The following WDR27 variants were observed in gnomAD, a reference collection of about 807,000 sequenced individuals.
WDR27 encodes WD repeat domain 27.
Under a neutral mutation model 114.4 loss-of-function variants are expected in WDR27, and 100 were observed. The observed-to-expected ratio is 0.87, with a 90% CI of 0.74 to 1.03. WDR27 has a LOEUF of 1.03. WDR27 is among the 50% of genes least tolerant of loss of function. The probability of loss-of-function intolerance (pLI) is 0.00; values close to 1 mark genes in which losing one functional copy is unlikely to be tolerated. For missense variants in WDR27, 1,129 were observed against 1,092.9 expected, an observed-to-expected ratio of 1.03 and a Z score of -0.47; for synonymous variants, 449 against 423.1, an observed-to-expected ratio of 1.06 and a Z score of -0.75.
intron 2 of WDR27, among the ~76,000 whole-genome samples, chr6:169,682,871 G>C (rs1781891193): frequency 6.6e-6 from 1 of 151,868 alleles, no homozygotes; most frequent in Non-Finnish European, 1.5e-5. Flanking sequence ...ACTTAACAGA[G>C]ATTAATTTTA....
chr6:169,428,600 C>CGGG, the WDR27 span, among the ~76,000 whole-genome samples: 1 of 4,406 alleles, frequency 2.3e-4, no homozygotes, highest in Non-Finnish European at 6.5e-4. Context: ...GGGACGGTGG[C>CGGG]GGGGGGGAGG....
chr6:169,438,655 T>G, the WDR27 span, among the ~76,000 whole-genome samples: 14 of 152,348 alleles, frequency 9.2e-5, no homozygotes, highest in African/African-American at 3.4e-4. Flanking sequence ...ACTCTCGCAG[T>G]ATCTAATTGG....
intron 6 of WDR27, among the ~76,000 whole-genome samples, chr6:169,665,851 G>A (rs1025684730): frequency 6.6e-6 from 1 of 152,208 alleles, no homozygotes; most frequent in Non-Finnish European, 1.5e-5. Context: ...CCGACAGAAG[G>A]CCTGGTGGGC....
chr6:169,582,894 C>A lies in WDR27; in HGVS notation c.2465G>T (p.Arg822Leu). 1.2e-6 allele frequency: 2 copies of A among 1,613,894 alleles called. No individual in the cohort carries two copies. Among genetic ancestry groups the A allele is most frequent in the Non-Finnish European group, 1.7e-6 (2 of 1,179,886 alleles). The change falls in exon 24 of 26, where the codon CGG (arginine) becomes CTG (leucine). Residue 822 changes from arginine to leucine, a missense_variant. By Grantham distance (102) the Arg-to-Leu change is moderately radical (BLOSUM62 -2). Transcript: ENST00000448612. ...GACAGTGTCTGTGTGCCCAGCCAGC[C>A]GGTGAGAAAACGTGCTTGAGCCCAT... ...YEMGSSTFSH[R>L]LAGHTDTVTG...
chr6:169,496,797 G>A (rs992510582), intron 25 of WDR27, among the ~76,000 whole-genome samples: 9 of 152,130 alleles, frequency 5.9e-5, no homozygotes, highest in Middle Eastern at 6.8e-3. Context: ...TAAAGAAGAC[G>A]TAAATTAATG....
chr6:169,449,697 A>G, the WDR27 span, among the ~76,000 whole-genome samples: 1 of 152,234 alleles, frequency 6.6e-6, no homozygotes, highest in Non-Finnish European at 1.5e-5. Context: ...GATGCGGACC[A>G]GTTTTCAAAT....
the WDR27 span, among the ~76,000 whole-genome samples, chr6:169,429,178 G>A: frequency 1.2e-4 from 19 of 152,240 alleles, no homozygotes; most frequent in East Asian, 1.2e-3. Flanking sequence ...ATCACACGGC[G>A]CTGGGCGGCT....
rs369963800 is a variant in WDR27 at position 169,662,315 on chromosome 6, A to C, written c.1014T>G (p.Ser338=). ...APCDLSLIPN[S]ACGCLSSENT... ...TTTTTGATACTTACCATCCACATGC[A>C]GAATTTGGGATGAGTGAGAGATCAC... is the stretch of plus-strand genomic sequence containing the variant. Residue 338 remains serine (S), a synonymous_variant, in exon 9 of 26, where the codon TCT becomes TCG. Coordinates refer to ENST00000448612, the MANE Select transcript of WDR27 (RefSeq NM_182552.5). The C allele has an allele frequency of 1.2e-6, 2 of 1,613,600 alleles. No individual in the cohort carries two copies. Among genetic ancestry groups the C allele is most frequent in the African/African-American group, 2.7e-5 (2 of 74,944 alleles).
intron 17 of WDR27, among the ~76,000 whole-genome samples, chr6:169,641,082 C>T (rs754911393): frequency 1.8e-4 from 28 of 152,214 alleles, no homozygotes; most frequent in Non-Finnish European, 2.5e-4. Flanking sequence ...GCAGAGGCAC[C>T]GGCAATGCAG....
intron 25 of WDR27, among the ~76,000 whole-genome samples, chr6:169,525,614 A>T (rs562674658): frequency 1.3e-5 from 2 of 152,254 alleles, no homozygotes; most frequent in African/African-American, 4.8e-5. Context: ...AAGGATGTAG[A>T]AAAAGAGGAA....
At chr6:169,487,015 C>A (rs2115415967) in intron 25 of WDR27, among the ~76,000 whole-genome samples, 1 of 152,264 alleles carries the variant, frequency 6.6e-6, no homozygotes, top group South Asian at 2.1e-4. Flanking sequence ...GAGGGCAGCA[C>A]AGCAATTCTG....
At chr6:169,466,566 CACA>C (rs1176719444) in intron 25 of WDR27, among the ~76,000 whole-genome samples, 10 of 152,120 alleles carry the variant, frequency 6.6e-5, no homozygotes, top group African/African-American at 2.2e-4. Context: ...GGGTCTCTCC[CACA>C]ACATGTGGGG....
chr6:169,459,712 C>T (rs1413391365), intron 25 of WDR27, among the ~76,000 whole-genome samples: 1 of 152,030 alleles, frequency 6.6e-6, no homozygotes, highest in Non-Finnish European at 1.5e-5. Flanking sequence ...AAAGTCTTAT[C>T]ACACACAAAG....
At chr6:169,550,347 TG>T (rs1269752949) in intron 25 of WDR27, among the ~76,000 whole-genome samples, 1 of 152,242 alleles carries the variant, frequency 6.6e-6, no homozygotes, top group Non-Finnish European at 1.5e-5. Flanking sequence ...TCTAGGCTAC[TG>T]GGCCCACAGA....
At chr6:169,437,534 A>C in the WDR27 span, among the ~76,000 whole-genome samples, 1 of 152,132 alleles carries the variant, frequency 6.6e-6, no homozygotes, top group Non-Finnish European at 1.5e-5. Flanking sequence ...TCATTTCTCA[A>C]GGTAGAATTT....
intron 21 of WDR27, among the ~76,000 whole-genome samples, chr6:169,628,635 T>C (rs1192387099): frequency 1.3e-5 from 2 of 152,192 alleles, no homozygotes; most frequent in Non-Finnish European, 2.9e-5. Context: ...CCTTCTCTCA[T>C]CCTCCCAGGA....
chr6:169,588,197 G>A (rs1049737042), intron 23 of WDR27, among the ~76,000 whole-genome samples: 3 of 152,224 alleles, frequency 2.0e-5, no homozygotes, highest in African/African-American at 7.2e-5. Context: ...AAGAGCAGGG[G>A]TGATGAAATG....
intron 1 of WDR27, among the ~76,000 whole-genome samples, chr6:169,693,351 A>C (rs1784988001): frequency 6.6e-6 from 1 of 152,246 alleles, no homozygotes; most frequent in Non-Finnish European, 1.5e-5. Flanking sequence ...TAAATCTTGA[A>C]ACAAAACCTT....
At chr6:169,532,287 C>G (rs769700076) in intron 25 of WDR27, among the ~76,000 whole-genome samples, 1 of 151,636 alleles carries the variant, frequency 6.6e-6, no homozygotes, top group African/African-American at 2.4e-5. Context: ...AGAATGAGTA[C>G]AAGATGAGAC....
Sources: allele counts gnomAD v4.1 joint callset (sites outside exome capture counted in the v4.1 genomes callset), GRCh38; gene constraint gnomAD v4.1.1; transcripts MANE v1.5; gene names NCBI Gene and HGNC (gene_info 2026-07-23, HGNC 2026-07-21).